SLC26A4: variants seen among roughly 807,000 people sequenced by gnomAD.
SLC26A4 encodes solute carrier family 26 member 4.
In SLC26A4, 93 loss-of-function variants were observed where a neutral mutation model predicts 90.4. The observed-to-expected ratio is 1.03, with a 90% confidence interval of 0.87 to 1.22. SLC26A4 has a LOEUF of 1.22. Among genes scored for constraint, SLC26A4 ranks in the 50% most tolerant of loss-of-function variants. The probability of loss-of-function intolerance (pLI) is 0.00; values close to 1 mark genes in which losing one functional copy is unlikely to be tolerated. For missense variants in SLC26A4, 1,127 were observed against 946.2 expected, an observed-to-expected ratio of 1.19 and a Z score of -2.51; for synonymous variants, 393 against 354.6, an observed-to-expected ratio of 1.11 and a Z score of -1.22.
At chr7:107,679,144 T>A (rs1399477766) in intron 6 of SLC26A4, among the ~76,000 whole-genome samples, 1 of 152,200 alleles carries the variant, frequency 6.6e-6, no homozygotes, top group Non-Finnish European at 1.5e-5. Context: ...AATTAGTCAA[T>A]ACCCTTGATG....
intron 5 of SLC26A4, 60 bp from the exon 6 acceptor site, chr7:107,674,885 A>G: frequency 2.7e-6 from 4 of 1,501,808 alleles, no homozygotes; most frequent in Non-Finnish European, 2.8e-6. Context: ...TAATATTTCC[A>G]GAGAGTAGGT....
intron 6 of SLC26A4, among the ~76,000 whole-genome samples, chr7:107,679,874 ATTATATAATCTTATC>A (rs1791138429): frequency 8.9e-6 from 1 of 112,628 alleles, no homozygotes; most frequent in South Asian, 2.5e-4. Flanking sequence ...ATAATCTTAT[ATTATATAATCTTATC>A]TTATATAATC....
chr7:107,661,634 C>T lies in SLC26A4; in HGVS notation c.-3-5C>T. ...CCTCCCTCCTCGCTGTCCTCTGGCTCGCAGGTCATGGCAGCGCCAGGCGGC... is the reference window on the plus strand; with the variant it reads ...CCTCCCTCCTCGCTGTCCTCTGGCTTGCAGGTCATGGCAGCGCCAGGCGGC... On this transcript the variant is annotated splice_region_variant and splice_polypyrimidine_tract_variant and intron_variant, in intron 1 of 20. Coordinates refer to ENST00000644269, the MANE Select transcript of SLC26A4 (RefSeq NM_000441.2). The surrounding 1 kb of genome is among the most constrained non-coding windows in gnomAD (Gnocchi z 5.1). The T allele has an allele frequency of 1.3e-6, 2 of 1,558,198 alleles. No homozygotes were observed. Among genetic ancestry groups the T allele is most frequent in the Non-Finnish European group, 1.7e-6 (2 of 1,157,078 alleles).
chr7:107,704,473 G>T, intron 18 of SLC26A4, 88 bp downstream of exon 18: 1 of 650,180 alleles, frequency 1.5e-6, no homozygotes, highest in Non-Finnish European at 2.8e-6. Flanking sequence ...TATGTCTGAA[G>T]GCCTTTTTTT....
intron 3 of SLC26A4, 24 bp from the exon 4 acceptor site, chr7:107,672,114 T>C (rs1381474115): frequency 2.1e-6 from 3 of 1,426,674 alleles, no homozygotes; most frequent in South Asian, 2.3e-5. Context: ...TTTGTGAATG[T>C]AATCACTTTG....
At chr7:107,712,223 G>A (rs1005088923) in intron 19 of SLC26A4, among the ~76,000 whole-genome samples, 27 of 152,168 alleles carry the variant, frequency 1.8e-4, no homozygotes, top group African/African-American at 6.3e-4. Flanking sequence ...CTTAGCCATT[G>A]AGAGATGCAC....
At chr7:107,671,656 G>C (rs1019940444) in intron 3 of SLC26A4, among the ~76,000 whole-genome samples, 2 of 152,188 alleles carry the variant, frequency 1.3e-5, no homozygotes, top group Non-Finnish European at 2.9e-5. Context: ...ACCAACTCAG[G>C]ACAGGCTGAT....
chr7:107,710,553 T>A (rs901488794), intron 19 of SLC26A4, among the ~76,000 whole-genome samples: 1 of 152,222 alleles, frequency 6.6e-6, no homozygotes, highest in African/African-American at 2.4e-5. Context: ...TCCACTTAAA[T>A]TCTCAGCAAT....
chr7:107,687,459 T>C (rs1171771774), intron 8 of SLC26A4, among the ~76,000 whole-genome samples: 1 of 152,216 alleles, frequency 6.6e-6, no homozygotes, highest in African/African-American at 2.4e-5. Context: ...ACCTACTATA[T>C]GTGTAGACAC....
At chr7:107,693,925 C>T (rs986948524) in intron 10 of SLC26A4, among the ~76,000 whole-genome samples, 8 of 152,108 alleles carry the variant, frequency 5.3e-5, no homozygotes, top group Admixed American at 1.3e-4. Flanking sequence ...GCTACAAGTA[C>T]GAAGTGTTAT....
At position 107,700,075 on chromosome 7, in the gene SLC26A4, A is replaced by T. The variant is rs1342451342; in HGVS notation, c.1615-8A>T. 4 of 1,448,316 alleles carry T rather than the reference A, an allele frequency of 2.8e-6. No homozygotes were observed. The East Asian group carries it at 6.8e-5, about 25-fold the overall frequency. 89.7% of individuals were successfully genotyped at this position (1,448,316 alleles called of 1,614,324 possible). On this transcript the variant is annotated splice_polypyrimidine_tract_variant and splice_region_variant and intron_variant, in intron 14 of 20. Transcript: ENST00000644269. ...TATTTAATCCCAGACAATTTCTTTT[A>T]ATGCCAGATTGAAGAACCTCAAGGA...
intron 17 of SLC26A4, among the ~76,000 whole-genome samples, chr7:107,702,476 G>C (rs2129318420): frequency 6.6e-6 from 1 of 152,142 alleles, no homozygotes; most frequent in Admixed American, 6.5e-5. Flanking sequence ...TGGATCATGA[G>C]GTCAGGAGTT....
intron 14 of SLC26A4, among the ~76,000 whole-genome samples, chr7:107,699,693 C>T (rs879535918): frequency 5.3e-4 from 80 of 152,222 alleles, no homozygotes; most frequent in African/African-American, 1.8e-3. Flanking sequence ...CTTTGGGAGG[C>T]TGAGGCGGGT....
rs1388783290 is a variant in SLC26A4 at position 107,712,628 on chromosome 7, A to T, written c.2319+6A>T. ...AACTTGATGTCCAGGATGAGGTATGATCATTTTCTTCTGAAGAAAATATTT... is the reference window on the plus strand; with the variant it reads ...AACTTGATGTCCAGGATGAGGTATGTTCATTTTCTTCTGAAGAAAATATTT... On this transcript the variant is annotated splice_donor_region_variant and intron_variant, in intron 20 of 20. Transcript: ENST00000644269. 6.9e-7 allele frequency: 1 copy of T among 1,444,236 alleles called. No homozygotes were observed. The allele number at this position is 1,444,236 out of a possible 1,614,324, so 89.5% of individuals were successfully genotyped here.
chr7:107,661,409 G>A lies in SLC26A4; in HGVS notation c.-3-230G>A. The stretch of plus-strand genomic sequence containing the variant: ...GTTTGGGGAACCCCGGGCAGCGGGT[G>A]CAGGCCACGAGACCCGAAGGTTCTC... On this transcript the variant is annotated intron_variant, in intron 1 of 20. Transcript: ENST00000644269. The surrounding 1 kb of genome is among the most constrained non-coding windows in gnomAD (Gnocchi z 5.1). 1 of 596,574 alleles carries A rather than the reference G, an allele frequency of 1.7e-6. No individual in the cohort carries two copies. Among genetic ancestry groups the A allele is most frequent in the South Asian group, 2.0e-5 (1 of 50,504 alleles). 37.0% of individuals were successfully genotyped at this position (596,574 alleles called of 1,614,324 possible). A position where few individuals can be genotyped will look rare whatever the true frequency, so the allele number is the denominator to read the frequency against.
Position 107,661,538 on chromosome 7 carries a change from G to A in SLC26A4, c.-3-101G>A. 7.7e-7 allele frequency: 1 copy of A among 1,294,562 alleles called. No homozygotes were observed. 80.2% of individuals were successfully genotyped at this position (1,294,562 alleles called of 1,614,324 possible). On this transcript the variant is annotated intron_variant, in intron 1 of 20. Coordinates refer to ENST00000644269, the MANE Select transcript of SLC26A4 (RefSeq NM_000441.2). This position sits in a 1 kb window ranked among gnomAD's most constrained non-coding sequence, Gnocchi z 5.1. The stretch of plus-strand genomic sequence containing the variant: ...ACTCGCGGTGCAGGGGGGCCTGGCT[G>A]CAGCTAACAGGTGATCCCGTTCTTT...
At chr7:107,705,757 G>T in intron 18 of SLC26A4, among the ~76,000 whole-genome samples, 2 of 152,224 alleles carry the variant, frequency 1.3e-5, no homozygotes, top group East Asian at 3.8e-4. Context: ...AAAATTAAAA[G>T]GGATAAGCAT....
intron 6 of SLC26A4, among the ~76,000 whole-genome samples, chr7:107,678,220 T>C (rs1791077952): frequency 6.6e-6 from 1 of 152,196 alleles, no homozygotes; most frequent in Admixed American, 6.5e-5. Flanking sequence ...TCATTCTCAT[T>C]CATTCAGTTT....
At chr7:107,695,372 G>A (rs900113808) in intron 12 of SLC26A4, among the ~76,000 whole-genome samples, 2 of 152,142 alleles carry the variant, frequency 1.3e-5, no homozygotes, top group African/African-American at 4.8e-5. Flanking sequence ...CCTTTTTAAT[G>A]ATAATTCCCT....
Sources: gnomAD v4.1 joint callset for allele counts (sites outside exome capture counted in the v4.1 genomes callset) on GRCh38, gnomAD v4.1.1 for gene constraint, Gnocchi (gnomAD v3.1) non-coding constraint, MANE v1.5 for transcripts, NCBI Gene and HGNC (gene_info 2026-07-23, HGNC 2026-07-21) for gene names.